The following CCSER1 variants were observed in gnomAD, a reference collection of about 807,000 sequenced individuals.
CCSER1 encodes coiled-coil serine rich protein 1, also known as serine-rich coiled-coil domain-containing protein 1.
Under a neutral mutation model 82.0 loss-of-function variants are expected in CCSER1, and 41 were observed. The observed-to-expected ratio is 0.50, with a 90% CI of 0.39 to 0.65. The LOEUF (loss-of-function observed/expected upper bound fraction) is 0.65, where lower values mean the gene tolerates loss of function less well. Among genes scored for constraint, CCSER1 ranks in the 30% least tolerant of loss-of-function variants. CCSER1 has a pLI of 0.00. For missense variants in CCSER1, 1,119 were observed against 1,064.2 expected (o/e 1.05, Z -0.72); for synonymous variants, 414 against 383.9 (o/e 1.08, Z -0.92).
At chr4:91,182,302 C>A (rs183521319) in intron 10 of CCSER1, among the ~76,000 whole-genome samples, 116 of 152,286 alleles carry the variant, frequency 7.6e-4, no homozygotes, top group African/African-American at 2.8e-3. Flanking sequence ...ATAATCTCTA[C>A]CCCAAGTTAT....
intron 10 of CCSER1, among the ~76,000 whole-genome samples, chr4:91,286,068 G>T (rs1423105027): frequency 6.6e-6 from 1 of 150,954 alleles, no homozygotes; most frequent in Non-Finnish European, 1.5e-5. Flanking sequence ...CAGTTTTAAG[G>T]ACTTTGTTTT....
At chr4:90,893,776 C>CGT (rs35451218) in intron 8 of CCSER1, among the ~76,000 whole-genome samples, 10 of 108,114 alleles carry the variant, frequency 9.2e-5, no homozygotes, top group East Asian at 2.3e-4. Flanking sequence ...TGTGTGTGTG[C>CGT]GTGTGTGTGT....
chr4:90,588,946 G>C (rs1337895551), intron 5 of CCSER1, among the ~76,000 whole-genome samples: 1 of 152,044 alleles, frequency 6.6e-6, no homozygotes, highest in Non-Finnish European at 1.5e-5. Context: ...GCATGAGAAT[G>C]GACTCATAAA....
intron 10 of CCSER1, among the ~76,000 whole-genome samples, chr4:91,431,544 G>A (rs924595500): frequency 1.2e-4 from 18 of 151,742 alleles, no homozygotes; most frequent in Non-Finnish European, 2.1e-4. Flanking sequence ...CTTGGCTCAC[G>A]GCAACCTCTG....
At chr4:90,739,589 C>A (rs183572430) in intron 7 of CCSER1, among the ~76,000 whole-genome samples, 10 of 152,310 alleles carry the variant, frequency 6.6e-5, no homozygotes, top group African/African-American at 2.4e-4. Flanking sequence ...TTAGTACCCC[C>A]AAGCTCTTTA....
chr4:91,260,231 T>G (rs896135328), intron 10 of CCSER1, among the ~76,000 whole-genome samples: 1 of 152,294 alleles, frequency 6.6e-6, no homozygotes, highest in Non-Finnish European at 1.5e-5. Context: ...AATAGAAAGC[T>G]GAGGAGAAAA....
chr4:90,325,917 C>T (rs1457295492), intron 3 of CCSER1, among the ~76,000 whole-genome samples: 1 of 152,048 alleles, frequency 6.6e-6, no homozygotes, highest in Non-Finnish European at 1.5e-5. Flanking sequence ...TAAATATATT[C>T]ATACTCTTTT....
At chr4:90,794,838 T>A (rs1396385456) in intron 7 of CCSER1, among the ~76,000 whole-genome samples, 4 of 152,222 alleles carry the variant, frequency 2.6e-5, no homozygotes, top group Admixed American at 6.5e-5. Context: ...TCATCTGTGA[T>A]TTCTTCGAGA....
chr4:90,582,154 C>A (rs1286221093), intron 5 of CCSER1, among the ~76,000 whole-genome samples: 1 of 152,042 alleles, frequency 6.6e-6, no homozygotes, highest in Non-Finnish European at 1.5e-5. Context: ...CAAAAATAAG[C>A]ACTCTCTGTA....
intron 8 of CCSER1, among the ~76,000 whole-genome samples, chr4:90,856,014 G>A (rs1580795633): frequency 6.6e-6 from 1 of 151,862 alleles, no homozygotes; most frequent in Non-Finnish European, 1.5e-5. Context: ...GAAAGACAAG[G>A]CATTGTCAAT....
Position 90,714,017 on chromosome 4 carries a change from C to G in CCSER1, c.1933-9897C>G, listed in dbSNP as rs1741154926. ...TTTCTCTCTAAGTCCTTCTAAGTCT[C>G]TTTCAGTCCCAGTATGAGAACCTGG... is the stretch of plus-strand genomic sequence containing the variant. On this transcript the variant is annotated intron_variant, in intron 6 of 10. Transcript: ENST00000509176. Among the ~76,000 whole-genome samples the G allele has an allele frequency of 1.3e-5, 2 of 151,828 alleles. 1 individual carries two copies. The highest frequency in any genetic ancestry group is 4.1e-4 in the South Asian group (2 of 4,826).
intron 10 of CCSER1, among the ~76,000 whole-genome samples, chr4:91,530,124 A>G (rs1459903640): frequency 6.6e-6 from 1 of 152,126 alleles, no homozygotes; most frequent in African/African-American, 2.4e-5. Flanking sequence ...GAAACAGTTT[A>G]TCTCTCAACG....
intron 9 of CCSER1, among the ~76,000 whole-genome samples, chr4:91,019,226 AATATATTTAT>A (rs537584488): frequency 5.6e-4 from 85 of 151,910 alleles, no homozygotes; most frequent in African/African-American, 2.0e-3. Flanking sequence ...TCTATAAACA[AATATATTTAT>A]AAATTAATTT....
At chr4:90,657,083 T>G (rs2149076307) in intron 6 of CCSER1, among the ~76,000 whole-genome samples, 1 of 152,236 alleles carries the variant, frequency 6.6e-6, no homozygotes, top group African/African-American at 2.4e-5. Context: ...GATTATTGTC[T>G]TAATTTCTGA....
intron 5 of CCSER1, among the ~76,000 whole-genome samples, chr4:90,535,690 A>G (rs1000121454): frequency 6.6e-6 from 1 of 152,194 alleles, no homozygotes; most frequent in African/African-American, 2.4e-5. Flanking sequence ...GAATACTGCC[A>G]GGCAAATAGT....
chr4:91,100,770 T>G (rs536181994), intron 10 of CCSER1, among the ~76,000 whole-genome samples: 1 of 152,330 alleles, frequency 6.6e-6, no homozygotes, highest in South Asian at 2.1e-4. Context: ...TCAGATTGGA[T>G]TTTGAAGATC....
At chr4:90,430,787 G>A (rs766128541) in intron 4 of CCSER1, among the ~76,000 whole-genome samples, 1 of 151,728 alleles carries the variant, frequency 6.6e-6, no homozygotes, top group Non-Finnish European at 1.5e-5. Flanking sequence ...TAACAAAATA[G>A]GACTAATGAA....
intron 7 of CCSER1, among the ~76,000 whole-genome samples, chr4:90,751,703 T>C (rs1426049841): frequency 6.6e-6 from 1 of 152,116 alleles, no homozygotes; most frequent in Non-Finnish European, 1.5e-5. Context: ...TTTTGAGAAA[T>C]CTGTTTTCCA....
At chr4:90,488,495 C>G (rs1767482970) in intron 5 of CCSER1, among the ~76,000 whole-genome samples, 1 of 152,058 alleles carries the variant, frequency 6.6e-6, no homozygotes, top group South Asian at 2.1e-4. Flanking sequence ...GCGACGTCCT[C>G]TCTATTTTAA....
Sources: gnomAD v4.1 joint callset for allele counts (sites outside exome capture counted in the v4.1 genomes callset) on GRCh38, gnomAD v4.1.1 for gene constraint, MANE v1.5 for transcripts, NCBI Gene and HGNC (gene_info 2026-07-23, HGNC 2026-07-21) for gene names.